Variants in PTPRM observed in about 807,000 individuals in gnomAD.
PTPRM encodes the protein protein tyrosine phosphatase receptor type M.
A neutral mutation model predicts 186.7 loss-of-function variants in PTPRM; 47 were observed. The observed-to-expected ratio is 0.25, with a 90% CI of 0.20 to 0.32. PTPRM has a LOEUF of 0.32. Among genes scored for constraint, PTPRM ranks in the 10% least tolerant of loss-of-function variants. PTPRM has a pLI of 1.00. For synonymous variants in PTPRM, 668 were observed against 674.9 expected, an observed-to-expected ratio of 0.99 and a Z score of 0.16; for missense variants, 1,494 against 1,865.0, an observed-to-expected ratio of 0.80 and a Z score of 3.66.
chr18:7,659,717 A>G (rs560434896), intron 1 of PTPRM, among the ~76,000 whole-genome samples: 2 of 152,226 alleles, frequency 1.3e-5, no homozygotes, highest in Non-Finnish European at 2.9e-5. Context: ...TCTTTTTTAT[A>G]TTCGTGACAC....
chr18:7,906,445 G>T lies in PTPRM; in HGVS notation c.469-60G>T, dbSNP rs1328028648. ...GAAATTATGTGTCTTATATATAGGA[G>T]ATACTTGGTAAAAGTAAGACAAAAT... is the stretch of plus-strand genomic sequence containing the variant. On this transcript the variant is annotated intron_variant, in intron 3 of 32. Transcript: ENST00000580170. The T allele has an allele frequency of 3.1e-6, 4 of 1,291,548 alleles. No homozygotes were observed. In the African/African-American group the frequency reaches 5.9e-5, roughly 19 times the overall value. 80.0% of individuals were successfully genotyped at this position (1,291,548 alleles called of 1,614,324 possible). A position where few individuals can be genotyped will look rare whatever the true frequency, so the allele number is the denominator to read the frequency against.
intron 9 of PTPRM, among the ~76,000 whole-genome samples, chr18:8,078,012 A>ATC (rs1264371719): frequency 6.6e-6 from 1 of 152,222 alleles, no homozygotes; most frequent in Non-Finnish European, 1.5e-5. Context: ...GGGATGCATG[A>ATC]ATGTGTCATA....
intron 1 of PTPRM, among the ~76,000 whole-genome samples, chr18:7,604,367 A>G (rs2143780665): frequency 6.6e-6 from 1 of 152,332 alleles, no homozygotes; most frequent in East Asian, 1.9e-4. Context: ...GCTCTGGTAA[A>G]ACACAAACAT....
intron 32 of PTPRM, among the ~76,000 whole-genome samples, chr18:8,398,809 C>CCACATATT (rs764183991): frequency 2.7e-5 from 4 of 150,884 alleles, no homozygotes; most frequent in Non-Finnish European, 4.4e-5. Context: ...TCACAAAAGG[C>CCACATATT]CACATATTCT....
chr18:8,274,133 A>C (rs1424316944), intron 19 of PTPRM, among the ~76,000 whole-genome samples: 2 of 152,102 alleles, frequency 1.3e-5, no homozygotes, highest in Non-Finnish European at 2.9e-5. Flanking sequence ...GTGGGGACTA[A>C]ATCTTGTATA....
At chr18:7,837,704 A>G (rs751511988) in intron 2 of PTPRM, among the ~76,000 whole-genome samples, 3 of 152,172 alleles carry the variant, frequency 2.0e-5, no homozygotes, top group African/African-American at 7.2e-5. Flanking sequence ...CAGCCTCCCA[A>G]AGTGCTAGGA....
intron 1 of PTPRM, among the ~76,000 whole-genome samples, chr18:7,644,928 A>G (rs1343067370): frequency 6.6e-6 from 1 of 152,146 alleles, no homozygotes; most frequent in Non-Finnish European, 1.5e-5. Flanking sequence ...TAAACAATTA[A>G]TCATTCCTCA....
At chr18:8,178,918 G>A (rs58408137) in intron 14 of PTPRM, among the ~76,000 whole-genome samples, 2,380 of 152,280 alleles carry the variant, frequency 0.016, 73 homozygotes, top group African/African-American at 0.054. Flanking sequence ...ACCTGTATGA[G>A]TTGGGTACAT....
At chr18:7,680,852 G>A (rs1270178564) in intron 1 of PTPRM, among the ~76,000 whole-genome samples, 1 of 152,188 alleles carries the variant, frequency 6.6e-6, no homozygotes, top group Non-Finnish European at 1.5e-5. Context: ...GGGTGGGAGT[G>A]TTGCTTTTCC....
intron 5 of PTPRM, among the ~76,000 whole-genome samples, chr18:7,934,004 A>AT (rs1442787352): frequency 2.0e-5 from 3 of 152,200 alleles, no homozygotes; most frequent in Non-Finnish European, 2.9e-5. Context: ...TTCTGTCATG[A>AT]AACTTCTGTC....
rs145616271 is a variant in PTPRM, at chr18:8,371,142, T to C, written c.3171+136T>C. The C allele has an allele frequency of 3.9e-3, 2,007 of 510,490 alleles. 24 individuals are homozygous for C. Among genetic ancestry groups the C allele is most frequent in the East Asian group, 0.03 (966 of 32,548 alleles). The allele number at this position is 510,490 out of a possible 1,614,324, so 31.6% of individuals were successfully genotyped here. A position where few individuals can be genotyped will look rare whatever the true frequency, so the allele number is the denominator to read the frequency against. On this transcript the variant is annotated intron_variant, in intron 24 of 32. Coordinates refer to ENST00000580170, the MANE Select transcript of PTPRM (RefSeq NM_001105244.2). ...GGCTCTATCTGATGGTTTCTCAAGA[T>C]TGCATCTTGCTCTCTGATTCTATAA...
At chr18:7,632,125 G>C (rs994915159) in intron 1 of PTPRM, among the ~76,000 whole-genome samples, 1 of 152,174 alleles carries the variant, frequency 6.6e-6, no homozygotes, top group Non-Finnish European at 1.5e-5. Context: ...TCAGCACAAG[G>C]GGAGTTGATC....
intron 22 of PTPRM, among the ~76,000 whole-genome samples, chr18:8,342,792 G>A (rs944805813): frequency 6.6e-6 from 1 of 152,076 alleles, no homozygotes; most frequent in East Asian, 1.9e-4. Flanking sequence ...CCAGCCATAG[G>A]AAAGAGCTTT....
chr18:8,171,518 C>T (rs1345099532), intron 14 of PTPRM, among the ~76,000 whole-genome samples: 1 of 152,126 alleles, frequency 6.6e-6, no homozygotes, highest in Non-Finnish European at 1.5e-5. Context: ...AAAATTGTGT[C>T]CTTAGTGAAA....
Position 8,064,427 on chromosome 18 carries a change from A to G in PTPRM, c.1133-5259A>G, listed in dbSNP as rs545996060. On this transcript the variant is annotated intron_variant, in intron 7 of 32. Transcript: ENST00000580170. The stretch of plus-strand genomic sequence containing the variant: ...GAGTACTGTTTTTGAAATTTGGCCT[A>G]TTTGTTAGGAAGATACTATTCTCCC... Among the ~76,000 whole-genome samples the G allele has an allele frequency of 1.4e-4, 21 of 150,786 alleles. No individual in the cohort carries two copies. The South Asian group carries it at 2.7e-3, about 20-fold the overall frequency.
At chr18:7,868,046 C>T (rs2047800700) in intron 2 of PTPRM, among the ~76,000 whole-genome samples, 3 of 152,142 alleles carry the variant, frequency 2.0e-5, no homozygotes, top group African/African-American at 7.2e-5. Flanking sequence ...TCAGCTCCAT[C>T]AGGTCATTTA....
chr18:8,121,727 G>C (rs188361572), intron 13 of PTPRM: 1 of 152,082 alleles, frequency 6.6e-6, no homozygotes, highest in Non-Finnish European at 1.5e-5. Flanking sequence ...ACATAAAAAC[G>C]TTTTTAGTGA....
rs35838540 is a variant in PTPRM at position 7,918,078 on chromosome 18, T to TTGTGTGTGTG, written c.548-8472_548-8463dup. The stretch of plus-strand genomic sequence containing the variant: ...TATGAGATATTGTGTTCTTGTGTGT[T>TTGTGTGTGTG]TGTGTGTGTGTGTGTGTGTGTGTGT... On this transcript the variant is annotated intron_variant, in intron 4 of 32. Transcript: ENST00000580170. Among the ~76,000 whole-genome samples, 1,273 of 148,068 alleles carry TTGTGTGTGTG rather than the reference T, an allele frequency of 8.6e-3. 11 individuals are homozygous for TTGTGTGTGTG. The highest frequency in any genetic ancestry group is 0.022 in the African/African-American group (887 of 39,690).
Position 8,406,147 on chromosome 18 carries a change from C to A in PTPRM, c.4383C>A (p.Tyr1461Ter). Residue 1461 changes from tyrosine to a stop codon, truncating the protein, a stop_gained, in exon 33 of 33, where the codon TAC (tyrosine) becomes TAA (stop). Coordinates refer to ENST00000580170, the MANE Select transcript of PTPRM (RefSeq NM_001105244.2). LOFTEE classifies it high-confidence loss of function. ...YKFCYEVALE[Y>*]LNSG ...TCTGCTACGAGGTGGCCCTGGAATA[C>A]TTGAATTCTGGCTGATGGTGTAAAC... 1 of 1,614,128 alleles carries A rather than the reference C, an allele frequency of 6.2e-7. No individual in the cohort carries two copies. The highest frequency in any genetic ancestry group is 1.3e-5 in the African/African-American group (1 of 75,056).
Sources: gnomAD v4.1 joint callset for allele counts (sites outside exome capture counted in the v4.1 genomes callset) on GRCh38, gnomAD v4.1.1 for gene constraint, MANE v1.5 for transcripts, NCBI Gene and HGNC (gene_info 2026-07-23, HGNC 2026-07-21) for gene names.